The following PTPN13 variants were observed in gnomAD, a reference collection of about 807,000 sequenced individuals.
PTPN13 encodes protein tyrosine phosphatase non-receptor type 13, also known as tyrosine-protein phosphatase non-receptor type 13.
PTPN13 carries 191 observed loss-of-function variants against 284.0 expected under a neutral mutation model. The ratio of observed to expected loss-of-function variants is 0.67; its 90% CI spans 0.60 to 0.76. The LOEUF (loss-of-function observed/expected upper bound fraction) is 0.76, where lower values mean the gene tolerates loss of function less well. Ranked by LOEUF, PTPN13 falls within the 30% of genes least tolerant of loss-of-function variation. The pLI, the probability that PTPN13 is intolerant of heterozygous loss-of-function variation, is 0.00. For missense variants in PTPN13, 2,797 were observed against 2,939.9 expected, an observed-to-expected ratio of 0.95 and a Z score of 1.12; for synonymous variants, 986 against 1,022.3, an observed-to-expected ratio of 0.96 and a Z score of 0.68.
At chr4:86,636,927 G>A (rs552249014) in intron 2 of PTPN13, among the ~76,000 whole-genome samples, 20 of 151,560 alleles carry the variant, frequency 1.3e-4, no homozygotes, top group African/African-American at 3.6e-4. Flanking sequence ...TTGATAGACC[G>A]CTAGCAAGAC....
At chr4:86,650,279 G>A (rs745579042) in intron 2 of PTPN13, among the ~76,000 whole-genome samples, 2 of 152,016 alleles carry the variant, frequency 1.3e-5, no homozygotes, top group Non-Finnish European at 2.9e-5. Context: ...GAGCTACAAC[G>A]TCTGGCCTTC....
intron 1 of PTPN13, among the ~76,000 whole-genome samples, chr4:86,604,567 A>G (rs544172226): frequency 2.6e-5 from 4 of 152,094 alleles, no homozygotes; most frequent in Non-Finnish European, 4.4e-5. Flanking sequence ...AAGCTACTTT[A>G]AGACTAAAAT....
In PTPN13 at chr4:86,774,532, G is replaced by A; in HGVS notation, c.5508+1G>A. 2 of 1,592,092 alleles carry A rather than the reference G, an allele frequency of 1.3e-6. No individual in the cohort carries two copies. Among genetic ancestry groups the A allele is most frequent in the East Asian group, 2.2e-5 (1 of 44,460 alleles). On this transcript the variant is annotated splice_donor_variant, in intron 33 of 47. Transcript: ENST00000411767. LOFTEE classifies it high-confidence loss of function. ...AAAACCTGGGGACCGGCTCATAAAG[G>A]TGAGACATTTAAGAGGAATGGATTA...
intron 1 of PTPN13, among the ~76,000 whole-genome samples, chr4:86,601,429 C>T (rs1482114661): frequency 6.6e-6 from 1 of 151,870 alleles, no homozygotes; most frequent in Non-Finnish European, 1.5e-5. Flanking sequence ...AACATATTCC[C>T]CTATGTTCAC....
intron 42 of PTPN13, among the ~76,000 whole-genome samples, chr4:86,800,851 T>A (rs1009117054): frequency 6.6e-6 from 1 of 152,198 alleles, no homozygotes; most frequent in Non-Finnish European, 1.5e-5. Context: ...AGCCTTTAAG[T>A]TCCTGTTGCA....
chr4:86,691,287 A>G (rs1729998919), intron 5 of PTPN13, among the ~76,000 whole-genome samples: 2 of 152,128 alleles, frequency 1.3e-5, no homozygotes, highest in African/African-American at 4.8e-5. Context: ...TATAGGCTAG[A>G]TAATCTCGGC....
intron 15 of PTPN13, among the ~76,000 whole-genome samples, chr4:86,738,240 G>T (rs1735754722): frequency 6.6e-6 from 1 of 152,112 alleles, no homozygotes; most frequent in Non-Finnish European, 1.5e-5. Context: ...CAGTAGGATT[G>T]CTGGGACCTA....
intron 42 of PTPN13, among the ~76,000 whole-genome samples, chr4:86,800,594 A>G (rs1445933757): frequency 2.6e-5 from 4 of 151,496 alleles, no homozygotes; most frequent in African/African-American, 9.7e-5. Flanking sequence ...AGAGGTTGCA[A>G]TGAGCCGAGA....
intron 20 of PTPN13, among the ~76,000 whole-genome samples, chr4:86,757,931 C>A (rs1036627669): frequency 2.1e-4 from 32 of 152,008 alleles, no homozygotes; most frequent in African/African-American, 7.2e-4. Flanking sequence ...AACAGAAAAC[C>A]TAAATTGAAA....
rs564457553 is a variant in PTPN13, at chr4:86,799,799, A to C, written c.6505+595A>C. Among the ~76,000 whole-genome samples, 8 of 142,272 alleles carry C rather than the reference A, an allele frequency of 5.6e-5. No individual in the cohort carries two copies. The East Asian group carries it at 1.7e-3, about 31-fold the overall frequency. 93.3% of individuals were successfully genotyped at this position (142,272 alleles called of 152,430 possible). A position where few individuals can be genotyped will look rare whatever the true frequency, so the allele number is the denominator to read the frequency against. ...GGAAATATGAAGTCATAATTTTGCC[A>C]TTCTGGAAGGAGAAGTCAAGGGGCA... On this transcript the variant is annotated intron_variant, in intron 42 of 47. Coordinates refer to ENST00000411767, the MANE Select transcript of PTPN13 (RefSeq NM_080683.3).
rs768736061 is a variant in PTPN13, at chr4:86,750,527, T to C, written c.2708T>C (p.Met903Thr). The C allele has an allele frequency of 2.5e-6, 4 of 1,613,958 alleles. No individual in the cohort carries two copies. The highest frequency in any genetic ancestry group is 3.4e-6 in the Non-Finnish European group (4 of 1,179,868). Residue 903 changes from methionine to threonine, a missense_variant, in exon 18 of 48, where the codon ATG (methionine) becomes ACG (threonine). Transcript: ENST00000411767. ...LQAESVRGFN[M>T]GRAISTGSLA... ...GCAGAGTCTGTTAGAGGATTTAATA[T>C]GGGACGAGCAATCAGCACTGGCAGT... is the stretch of plus-strand genomic sequence containing the variant.
chr4:86,794,390 A>T (rs1298162923), intron 40 of PTPN13, among the ~76,000 whole-genome samples: 1 of 152,206 alleles, frequency 6.6e-6, no homozygotes, highest in Non-Finnish European at 1.5e-5. Flanking sequence ...GCTCAACGAA[A>T]TAAAAGAGGA....
chr4:86,752,629 C>A (rs1737525268), intron 19 of PTPN13, among the ~76,000 whole-genome samples: 1 of 152,098 alleles, frequency 6.6e-6, no homozygotes. Context: ...ATAGTAAATA[C>A]TCTATAGAAA....
intron 1 of PTPN13, among the ~76,000 whole-genome samples, chr4:86,600,683 G>A (rs1355895184): frequency 1.3e-4 from 19 of 151,648 alleles, no homozygotes; most frequent in Non-Finnish European, 2.7e-4. Flanking sequence ...GTTGTGTTCT[G>A]TTTTGTTTTT....
chr4:86,665,550 A>G (rs1433285445), intron 2 of PTPN13, among the ~76,000 whole-genome samples: 1 of 152,224 alleles, frequency 6.6e-6, no homozygotes, highest in East Asian at 1.9e-4. Context: ...TCTTAAAGCA[A>G]TTGTTCTAAG....
At chr4:86,678,252 A>G (rs1193952465) in intron 3 of PTPN13, among the ~76,000 whole-genome samples, 1 of 152,196 alleles carries the variant, frequency 6.6e-6, no homozygotes, top group African/African-American at 2.4e-5. Context: ...CTTTTAGGAA[A>G]TACCGAAAGA....
chr4:86,618,789 CT>C, intron 1 of PTPN13, among the ~76,000 whole-genome samples: 1 of 152,158 alleles, frequency 6.6e-6, no homozygotes, highest in Non-Finnish European at 1.5e-5. Context: ...TATCCTGAGA[CT>C]TTGCTGAAGT....
At chr4:86,706,685 G>C (rs1467107251) in intron 7 of PTPN13, among the ~76,000 whole-genome samples, 1 of 152,090 alleles carries the variant, frequency 6.6e-6, no homozygotes, top group Non-Finnish European at 1.5e-5. Context: ...GAACAAAAAA[G>C]ATCTCAAGAA....
intron 1 of PTPN13, among the ~76,000 whole-genome samples, chr4:86,615,212 G>A (rs775242542): frequency 6.6e-6 from 1 of 152,058 alleles, no homozygotes; most frequent in Non-Finnish European, 1.5e-5. Flanking sequence ...TCTGTTAGCC[G>A]AATACTTTTA....
Sources: gnomAD v4.1 joint callset for allele counts (sites outside exome capture counted in the v4.1 genomes callset) on GRCh38, gnomAD v4.1.1 for gene constraint, MANE v1.5 for transcripts, NCBI Gene and HGNC (gene_info 2026-07-23, HGNC 2026-07-21) for gene names.